AFF3: variants seen among roughly 807,000 people sequenced by gnomAD.
AFF3 encodes AF4/FMR2 family member 3.
AFF3 carries 32 observed loss-of-function variants against 129.7 expected under a neutral mutation model. The observed-to-expected ratio is 0.25, with a 90% confidence interval of 0.19 to 0.33. The LOEUF is 0.33. Ranked by LOEUF, AFF3 falls within the 10% of genes least tolerant of loss-of-function variation. The pLI is 1.00. For missense variants in AFF3, 1,373 were observed against 1,592.0 expected (o/e 0.86, Z 2.34); for synonymous variants, 644 against 635.4 (o/e 1.01, Z -0.20).
At chr2:99,806,573 A>G (rs1576039685) in intron 8 of AFF3, among the ~76,000 whole-genome samples, 1 of 151,976 alleles carries the variant, frequency 6.6e-6, no homozygotes, top group Admixed American at 6.6e-5. Context: ...TGATGGGGGG[A>G]AATCCCAGTT....
chr2:99,850,461 A>G (rs1456289477), intron 7 of AFF3, among the ~76,000 whole-genome samples: 1 of 152,208 alleles, frequency 6.6e-6, no homozygotes, highest in Non-Finnish European at 1.5e-5. Context: ...GTTCATACTC[A>G]TTCTGGGTCA....
intron 4 of AFF3, among the ~76,000 whole-genome samples, chr2:100,078,947 T>TC (rs1688818631): frequency 2.0e-5 from 3 of 148,964 alleles, no homozygotes; most frequent in African/African-American, 4.9e-5. Flanking sequence ...ATATTTTCTT[T>TC]TTTTTTTTTT....
chr2:99,653,860 T>C (rs1685497033), intron 12 of AFF3, among the ~76,000 whole-genome samples: 1 of 150,810 alleles, frequency 6.6e-6, no homozygotes, highest in Non-Finnish European at 1.5e-5. Context: ...CACCATCAAT[T>C]GCCTGCACTG....
intron 4 of AFF3, among the ~76,000 whole-genome samples, chr2:100,068,005 G>GA (rs1442278748): frequency 4.6e-5 from 7 of 152,148 alleles, no homozygotes; most frequent in African/African-American, 1.4e-4. Flanking sequence ...CAATATAGGA[G>GA]AAAAAATATG....
chr2:99,998,664 T>C (rs1490524056), intron 7 of AFF3, among the ~76,000 whole-genome samples: 3 of 152,206 alleles, frequency 2.0e-5, no homozygotes, highest in Non-Finnish European at 2.9e-5. Flanking sequence ...ATGCTATTCC[T>C]GAAGGTTATG....
chr2:99,873,238 G>A (rs1692015545), intron 7 of AFF3, among the ~76,000 whole-genome samples: 1 of 152,172 alleles, frequency 6.6e-6, no homozygotes, highest in South Asian at 2.1e-4. Context: ...AAGTGAAACT[G>A]GCATTTTTTA....
intron 7 of AFF3, among the ~76,000 whole-genome samples, chr2:99,847,209 C>T (rs1299760670): frequency 6.6e-6 from 1 of 151,960 alleles, no homozygotes; most frequent in Non-Finnish European, 1.5e-5. Context: ...CAGAGTTTCG[C>T]TCGTTGGCCA....
intron 14 of AFF3, among the ~76,000 whole-genome samples, chr2:99,598,246 TC>T (rs1470625328): frequency 2.6e-5 from 4 of 152,168 alleles, no homozygotes; most frequent in African/African-American, 9.7e-5. Context: ...TTTATTTTTT[TC>T]CTCCACGTAA....
intron 4 of AFF3, among the ~76,000 whole-genome samples, chr2:100,039,428 T>C (rs2105036989): frequency 6.6e-6 from 1 of 152,226 alleles, no homozygotes; most frequent in Non-Finnish European, 1.5e-5. Context: ...TGTGGTGGCT[T>C]GTGCCTCTAG....
At chr2:100,072,149 C>G (rs1443314603) in intron 4 of AFF3, among the ~76,000 whole-genome samples, 1 of 152,176 alleles carries the variant, frequency 6.6e-6, no homozygotes, top group East Asian at 1.9e-4. Context: ...CAGACCATAA[C>G]AGTCCATGGC....
intron 4 of AFF3, among the ~76,000 whole-genome samples, chr2:100,086,395 C>T (rs1047071918): frequency 2.6e-5 from 4 of 151,714 alleles, no homozygotes; most frequent in African/African-American, 9.7e-5. Flanking sequence ...GTGGCACAAG[C>T]CTGTAATCCC....
At chr2:99,925,564 A>C (rs866768126) in intron 7 of AFF3, among the ~76,000 whole-genome samples, 1 of 152,192 alleles carries the variant, frequency 6.6e-6, no homozygotes, top group African/African-American at 2.4e-5. Context: ...GTGCTCTGCC[A>C]TGAGTCTTAG....
chr2:99,651,852 A>G (rs1685288727), intron 12 of AFF3, among the ~76,000 whole-genome samples: 2 of 152,178 alleles, frequency 1.3e-5, no homozygotes, highest in African/African-American at 4.8e-5. Flanking sequence ...GTCACCTCAG[A>G]ACCATTTTCT....
chr2:99,606,915 CAAAAAAAAA>C (rs10680840), intron 13 of AFF3, among the ~76,000 whole-genome samples: 1 of 62,186 alleles, frequency 1.6e-5, no homozygotes. Context: ...CTCCGTCTCA[CAAAAAAAAA>C]AAAAAAAAAA....
chr2:99,899,311 A>G (rs138595573), intron 7 of AFF3, among the ~76,000 whole-genome samples: 1 of 152,310 alleles, frequency 6.6e-6, no homozygotes, highest in African/African-American at 2.4e-5. Context: ...ATAAAAATTC[A>G]CAAGCATCTC....
intron 4 of AFF3, among the ~76,000 whole-genome samples, chr2:100,049,939 C>T (rs12471711): frequency 1.4e-4 from 22 of 152,116 alleles, no homozygotes; most frequent in Non-Finnish European, 2.5e-4. Flanking sequence ...CTCGGCCAGG[C>T]GTAGTGGCTC....
At chr2:99,615,216 G>T (rs535543788) in intron 13 of AFF3, among the ~76,000 whole-genome samples, 23 of 152,328 alleles carry the variant, frequency 1.5e-4, no homozygotes, top group African/African-American at 5.5e-4. Context: ...GAATTAGGCT[G>T]GGAGTCCAGA....
chr2:99,933,381 TA>T (rs1388743044), intron 7 of AFF3, among the ~76,000 whole-genome samples: 1 of 152,118 alleles, frequency 6.6e-6, no homozygotes, highest in Non-Finnish European at 1.5e-5. Flanking sequence ...GCAGGTTTGT[TA>T]CATAGGTATA....
chr2:99,743,197 A>G (rs1680861399), intron 10 of AFF3, among the ~76,000 whole-genome samples: 2 of 152,154 alleles, frequency 1.3e-5, no homozygotes, highest in Non-Finnish European at 2.9e-5. Context: ...CCTCCGCACC[A>G]CTGTGCCATC....
Sources: allele counts gnomAD v4.1 joint callset (sites outside exome capture counted in the v4.1 genomes callset), GRCh38; gene constraint gnomAD v4.1.1; transcripts MANE v1.5; gene names NCBI Gene and HGNC (gene_info 2026-07-23, HGNC 2026-07-21).